HINFP: variants seen among roughly 807,000 people sequenced by gnomAD.
HINFP encodes histone H4 transcription factor, also known as MBD2 (methyl-CpG-binding protein)-interacting zinc finger protein.
Under a neutral mutation model 50.1 loss-of-function variants are expected in HINFP, and 20 were observed. The ratio of observed to expected loss-of-function variants is 0.40; its 90% CI spans 0.28 to 0.58. HINFP has a LOEUF of 0.58. HINFP is among the 20% of genes least tolerant of loss of function. HINFP has a pLI of 0.45. For synonymous variants in HINFP, 247 were observed against 243.7 expected (o/e 1.01, Z -0.13); for missense variants, 505 against 664.1 (o/e 0.76, Z 2.63).
intron 2 of HINFP, among the ~76,000 whole-genome samples, chr11:119,129,201 C>T (rs935659267): frequency 3.3e-5 from 5 of 151,772 alleles, no homozygotes; most frequent in Admixed American, 1.3e-4. Context: ...CCACCACGCC[C>T]GGGTAATTTT....
In HINFP at chr11:119,134,449, T is replaced by G; in HGVS notation, c.1505T>G (p.Met502Arg). The G allele has an allele frequency of 6.2e-7, 1 of 1,612,978 alleles. No homozygotes were observed. The highest frequency in any genetic ancestry group is 8.5e-7 in the Non-Finnish European group (1 of 1,179,254). The change falls in exon 10 of 10, where the codon ATG becomes AGG. Residue 502 changes from methionine (M) to arginine (R), a missense_variant. Transcript: ENST00000350777. This position sits in a 1 kb window ranked among gnomAD's most constrained non-coding sequence, Gnocchi z 4.3. ...CCTGAGCCACCTTCAGGGGGCATCATGGAAAAGCTTCAAGGAATAGCTGAG... is the reference window on the plus strand; with the variant it reads ...CCTGAGCCACCTTCAGGGGGCATCAGGGAAAAGCTTCAAGGAATAGCTGAG... The part of the protein sequence containing the change: ...PAPEPPSGGI[M>R]EKLQGIAEEP...
chr11:119,130,653 T>C, intron 2 of HINFP, 72 bp from the exon 3 acceptor site: 2 of 1,351,612 alleles, frequency 1.5e-6, no homozygotes, highest in Non-Finnish European at 2.1e-6. Context: ...ACTCTCTGTT[T>C]AGTGCTGCAG....
intron 9 of HINFP, chr11:119,133,737 T>C (rs1274722764): frequency 5.3e-6 from 2 of 378,960 alleles, no homozygotes; most frequent in East Asian, 8.9e-5. Flanking sequence ...CAATAAATGG[T>C]GCCAAAAAGT....
At chr11:119,129,197 C>T (rs889738094) in intron 2 of HINFP, among the ~76,000 whole-genome samples, 4 of 151,452 alleles carry the variant, frequency 2.6e-5, no homozygotes, top group South Asian at 2.1e-4. Context: ...CCCGCCACCA[C>T]GCCCGGGTAA....
chr11:119,122,894 G>A (rs1033066610), intron 1 of HINFP, among the ~76,000 whole-genome samples: 2 of 152,066 alleles, frequency 1.3e-5, no homozygotes, highest in African/African-American at 4.8e-5. Context: ...AGGCCGAGGC[G>A]GGCGGATCAC....
At chr11:119,122,985 T>C (rs1422315736) in intron 1 of HINFP, among the ~76,000 whole-genome samples, 2 of 151,428 alleles carry the variant, frequency 1.3e-5, no homozygotes, top group Non-Finnish European at 1.5e-5. Flanking sequence ...TAGCTGGGCG[T>C]GGTGGTGCGT....
Position 119,134,645 on chromosome 11 carries a change from C to T in HINFP, c.*147C>T, listed in dbSNP as rs1323880471. 6.6e-6 allele frequency: 4 copies of T among 608,758 alleles called. No homozygotes were observed. The highest frequency in any genetic ancestry group is 1.1e-5 in the Non-Finnish European group (4 of 354,820). The allele number at this position is 608,758 out of a possible 1,614,324, so 37.7% of individuals were successfully genotyped here. A position where few individuals can be genotyped will look rare whatever the true frequency, so the allele number is the denominator to read the frequency against. On this transcript the variant is annotated 3_prime_UTR_variant, in exon 10 of 10. Transcript: ENST00000350777. This position sits in a 1 kb window ranked among gnomAD's most constrained non-coding sequence, Gnocchi z 4.3. The stretch of plus-strand genomic sequence containing the variant: ...GGTCCACTCTGGCCTGGGTTTGCAT[C>T]ATTCTGCAGACTCTAAAGACTTCCC...
Position 119,126,933 on chromosome 11 carries a change from A to G in HINFP, c.-10-2A>G. The G allele has an allele frequency of 6.2e-7, 1 of 1,606,746 alleles. No individual in the cohort carries two copies. The highest frequency in any genetic ancestry group is 8.5e-7 in the Non-Finnish European group (1 of 1,176,396). ...GCTGTGGATTTCTTCCTCTTCCTCT[A>G]GGGTGAAGGCCATGCCGCCTCCTGG... On this transcript the variant is annotated splice_acceptor_variant, in intron 1 of 9. Coordinates refer to ENST00000350777, the MANE Select transcript of HINFP (RefSeq NM_198971.3). LOFTEE classifies it low-confidence loss of function (5UTR_SPLICE).
rs76994116 is a variant in HINFP, at chr11:119,122,557, T to C, written c.-11+918T>C. On this transcript the variant is annotated intron_variant, in intron 1 of 9. Coordinates refer to ENST00000350777, the MANE Select transcript of HINFP (RefSeq NM_198971.3). The stretch of plus-strand genomic sequence containing the variant: ...GAGTAGATTCAGGGATGGGGTAGTT[T>C]AGGAAGGCTTCCCGGAATGTGATTA... Among the ~76,000 whole-genome samples the C allele has an allele frequency of 4.0e-3, 610 of 152,322 alleles. 2 individuals carry two copies. Among genetic ancestry groups the C allele is most frequent in the Non-Finnish European group, 6.1e-3 (416 of 68,040 alleles).
intron 1 of HINFP, among the ~76,000 whole-genome samples, chr11:119,122,481 G>C (rs61449105): frequency 0.026 from 4,033 of 152,290 alleles, 181 homozygotes; most frequent in African/African-American, 0.091. Flanking sequence ...CATGAAAATA[G>C]GGTTGAAGTT....
In HINFP at chr11:119,127,857, A is replaced by AT. The variant is rs1019976154; in HGVS notation, c.181+749dup. Among the ~76,000 whole-genome samples, 505 of 137,530 alleles carry AT rather than the reference A, an allele frequency of 3.7e-3. 1 individual carries two copies. Among genetic ancestry groups the AT allele is most frequent in the Non-Finnish European group, 4.4e-3 (276 of 62,874 alleles). The allele number at this position is 137,530 out of a possible 152,430, so 90.2% of individuals were successfully genotyped here. On this transcript the variant is annotated intron_variant, in intron 2 of 9. Transcript: ENST00000350777. ...AGTCCAACCCCACTCCCACCTTCCA[A>AT]TTTTTTTTTTTTTTTTTGAGACGGA...
rs750030606 is a variant in HINFP, at chr11:119,131,652, G to A, written c.523+6G>A. On this transcript the variant is annotated splice_donor_region_variant and intron_variant, in intron 4 of 9. Coordinates refer to ENST00000350777, the MANE Select transcript of HINFP (RefSeq NM_198971.3). This position sits in a 1 kb window ranked among gnomAD's most constrained non-coding sequence, Gnocchi z 4.2. ...GGTGCTGTGTGGCTGGAAAGGTAGGGCTGCTTCTTAACTTGTGGCTTCTGG... is the reference window on the plus strand; with the variant it reads ...GGTGCTGTGTGGCTGGAAAGGTAGGACTGCTTCTTAACTTGTGGCTTCTGG... 88 of 1,611,714 alleles carry A rather than the reference G, an allele frequency of 5.5e-5. No homozygotes were observed. Among genetic ancestry groups the A allele is most frequent in the Non-Finnish European group, 7.4e-5 (87 of 1,177,820 alleles).
In HINFP at chr11:119,130,729, A is replaced by G; in HGVS notation, c.186A>G (p.Glu62=). The change falls in exon 3 of 10, where the codon GAA becomes GAG. Residue 62 remains glutamate, a synonymous_variant. Coordinates refer to ENST00000350777, the MANE Select transcript of HINFP (RefSeq NM_198971.3). Reference sequence around the variant, plus strand: ...CTTTTAAACCCCTTTCTACAGAGGAAGAATTCTCCTGCTTGTGGCAGGAAT... The same window carrying G: ...CTTTTAAACCCCTTTCTACAGAGGAGGAATTCTCCTGCTTGTGGCAGGAAT... The part of the protein sequence containing the change: ...EEEEEDDPLE[E]EFSCLWQECG... The G allele has an allele frequency of 1.2e-6, 2 of 1,613,514 alleles. No homozygotes were observed. The highest frequency in any genetic ancestry group is 1.7e-6 in the Non-Finnish European group (2 of 1,179,414).
chr11:119,134,439 G>T lies in HINFP; in HGVS notation c.1495G>T (p.Gly499Trp). The change falls in exon 10 of 10, where the codon GGG becomes TGG. Residue 499 changes from glycine (G) to tryptophan (W), a missense_variant. Gly to Trp is a radical substitution (Grantham distance 184, BLOSUM62 -2). Coordinates refer to ENST00000350777, the MANE Select transcript of HINFP (RefSeq NM_198971.3). The surrounding 1 kb of genome is among the most constrained non-coding windows in gnomAD (Gnocchi z 4.3). ...TCCCCCAGCCCCTGAGCCACCTTCA[G>T]GGGGCATCATGGAAAAGCTTCAAGG... is the stretch of plus-strand genomic sequence containing the variant. ...EPPPAPEPPSGGIMEKLQGIA... is the reference protein window; with the variant it reads ...EPPPAPEPPSWGIMEKLQGIA... The T allele has an allele frequency of 6.2e-7, 1 of 1,613,598 alleles. No homozygotes were observed. The highest frequency in any genetic ancestry group is 8.5e-7 in the Non-Finnish European group (1 of 1,179,656).
chr11:119,133,395 A>G, intron 9 of HINFP, 176 bp downstream of exon 9: 1 of 670,572 alleles, frequency 1.5e-6, no homozygotes, highest in Non-Finnish European at 2.5e-6. Context: ...CCTGGCCAAC[A>G]TGGTGAAACC....
rs748598657 is a variant in HINFP at position 119,131,012 on chromosome 11, G to T, written c.411+58G>T. On this transcript the variant is annotated intron_variant, in intron 3 of 9. Coordinates refer to ENST00000350777, the MANE Select transcript of HINFP (RefSeq NM_198971.3). The surrounding 1 kb of genome is among the most constrained non-coding windows in gnomAD (Gnocchi z 4.2). ...GGAAGCTGGGGGTCTTAACTCTGATGCCTTGTCCCTTTCAGGGATGCCTTA... is the reference window on the plus strand; with the variant it reads ...GGAAGCTGGGGGTCTTAACTCTGATTCCTTGTCCCTTTCAGGGATGCCTTA... 7.4e-7 allele frequency: 1 copy of T among 1,349,428 alleles called. No individual in the cohort carries two copies. Among genetic ancestry groups the T allele is most frequent in the Non-Finnish European group, 1.1e-6 (1 of 939,152 alleles). 83.6% of individuals were successfully genotyped at this position (1,349,428 alleles called of 1,614,324 possible). A position where few individuals can be genotyped will look rare whatever the true frequency, so the allele number is the denominator to read the frequency against.
At chr11:119,132,599 C>T in intron 6 of HINFP, 26 bp downstream of exon 6, 1 of 1,614,066 alleles carries the variant, frequency 6.2e-7, no homozygotes, top group Non-Finnish European at 8.5e-7. Context: ...CCCACAGCCT[C>T]CCTCCTGCCC....
chr11:119,124,284 A>T (rs1592260525), intron 1 of HINFP: 1 of 152,220 alleles, frequency 6.6e-6, no homozygotes, highest in Admixed American at 6.6e-5. Flanking sequence ...GGGGGCATGA[A>T]GGATCTTCTG....
chr11:119,132,752 G>T lies in HINFP; in HGVS notation c.846G>T (p.Arg282=). The T allele has an allele frequency of 6.2e-7, 1 of 1,613,612 alleles. No homozygotes were observed. The highest frequency in any genetic ancestry group is 8.5e-7 in the Non-Finnish European group (1 of 1,180,028). The change falls in exon 7 of 10, where the codon CGG becomes CGT. Residue 282 remains arginine (R), a synonymous_variant. Transcript: ENST00000350777. The stretch of plus-strand genomic sequence containing the variant: ...TGCGCTTTCGTCACAGTGAGGACCG[G>T]CCCTTTAAATGTGACTGTTGTGACT... ...NHMRFRHSED[R]PFKCDCCDYS...
Sources: gnomAD v4.1 joint callset for allele counts (sites outside exome capture counted in the v4.1 genomes callset) on GRCh38, gnomAD v4.1.1 for gene constraint, Gnocchi (gnomAD v3.1) non-coding constraint, MANE v1.5 for transcripts, NCBI Gene and HGNC (gene_info 2026-07-23, HGNC 2026-07-21) for gene names.